GCN1: variants seen among roughly 807,000 people sequenced by gnomAD.
The protein encoded by GCN1 is stalled ribosome sensor GCN1.
Under a neutral mutation model 288.4 loss-of-function variants are expected in GCN1, and 90 were observed. The observed-to-expected ratio is 0.31, with a 90% confidence interval of 0.26 to 0.37. The LOEUF is 0.37. GCN1 is among the 10% of genes least tolerant of loss of function. The pLI, the probability that GCN1 is intolerant of heterozygous loss-of-function variation, is 1.00. For missense variants in GCN1, 2,586 were observed against 3,419.9 expected, an observed-to-expected ratio of 0.76 and a Z score of 6.08; for synonymous variants, 1,386 against 1,420.2, an observed-to-expected ratio of 0.98 and a Z score of 0.54.
intron 34 of GCN1, among the ~76,000 whole-genome samples, chr12:120,150,440 C>T (rs1370268297): frequency 6.6e-6 from 1 of 151,044 alleles, no homozygotes; most frequent in African/African-American, 2.4e-5. Context: ...ACTAAAAATA[C>T]AAAAATTAGC....
intron 36 of GCN1, among the ~76,000 whole-genome samples, chr12:120,149,097 TG>T (rs11407805): frequency 6.6e-6 from 1 of 150,914 alleles, no homozygotes; most frequent in Non-Finnish European, 1.5e-5. Flanking sequence ...AGAGCTTTCC[TG>T]GGGGGGGAAA....
chr12:120,159,681 G>A lies in GCN1; in HGVS notation c.2749+144C>T, dbSNP rs80206420. The A allele has an allele frequency of 1.1e-3, 733 of 688,398 alleles. 3 individuals carry two copies. The African/African-American group carries it at 0.012, about 11-fold the overall frequency. The allele number at this position is 688,398 out of a possible 1,614,324, so 42.6% of individuals were successfully genotyped here. Reference sequence around the variant, plus strand: ...TCTCTCCTAAGCATATCCAGCTTGAGTCTCCAAGGCTGCTTCCACAAGAAA... The same window carrying A: ...TCTCTCCTAAGCATATCCAGCTTGAATCTCCAAGGCTGCTTCCACAAGAAA... On this transcript the variant is annotated intron_variant, in intron 24 of 57. Transcript: ENST00000300648.
chr12:120,148,201 C>G lies in GCN1; in HGVS notation c.4692G>C (p.Gln1564His). ...CCGGGTTCCTGATAACGGAGCCGATCTGCCTGAGCGCCTGCTGTCCAGCCT... is the reference window on the plus strand; with the variant it reads ...CCGGGTTCCTGATAACGGAGCCGATGTGCCTGAGCGCCTGCTGTCCAGCCT... ...VQKAGQQALRQIGSVIRNPEI... is the reference protein window; with the variant it reads ...VQKAGQQALRHIGSVIRNPEI... Residue 1564 changes from glutamine to histidine, a missense_variant, in exon 37 of 58, where the codon CAG (glutamine) becomes CAC (histidine). By Grantham distance (24) the Gln-to-His change is conservative. This residue lies in a region of GCN1 where 371 missense variants were observed against 572.6 expected (regional missense o/e 0.65). Coordinates refer to ENST00000300648, the MANE Select transcript of GCN1 (RefSeq NM_006836.2). 1 of 1,613,894 alleles carries G rather than the reference C, an allele frequency of 6.2e-7. No individual in the cohort carries two copies. Among genetic ancestry groups the G allele is most frequent in the Non-Finnish European group, 8.5e-7 (1 of 1,179,906 alleles).
intron 5 of GCN1, among the ~76,000 whole-genome samples, chr12:120,179,970 G>A (rs1878598771): frequency 3.3e-5 from 5 of 152,110 alleles, no homozygotes; most frequent in South Asian, 4.1e-4. Flanking sequence ...AGCTCACACC[G>A]TCCAACCCAG....
At chr12:120,159,800 C>G (rs760263098) in intron 24 of GCN1, 25 bp downstream of exon 24, 8 of 1,609,482 alleles carry the variant, frequency 5.0e-6, no homozygotes, top group Non-Finnish European at 6.8e-6. Flanking sequence ...TGGGCCATCC[C>G]TGCAGCCAGC....
At position 120,152,637 on chromosome 12, in the gene GCN1, G is replaced by GCA. The variant is rs60288659; in HGVS notation, c.4062+574_4062+575dup. Among the ~76,000 whole-genome samples, 451 of 107,256 alleles carry GCA rather than the reference G, an allele frequency of 4.2e-3. 1 individual carries two copies. The highest frequency in any genetic ancestry group is 9.0e-3 in the East Asian group (30 of 3,340). 70.4% of individuals were successfully genotyped at this position (107,256 alleles called of 152,430 possible). A position where few individuals can be genotyped will look rare whatever the true frequency, so the allele number is the denominator to read the frequency against. On this transcript the variant is annotated intron_variant, in intron 33 of 57. Coordinates refer to ENST00000300648, the MANE Select transcript of GCN1 (RefSeq NM_006836.2). ...CAAAATGCAAACCACACACACACGCGCACACACACACACACACACACAAAA... is the reference window on the plus strand; with the variant it reads ...CAAAATGCAAACCACACACACACGCGCACACACACACACACACACACACAAAA...
At chr12:120,130,529 C>T (rs935540992) in intron 56 of GCN1, 117 bp downstream of exon 56, 8 of 708,992 alleles carry the variant, frequency 1.1e-5, no homozygotes, top group South Asian at 8.0e-5. Flanking sequence ...TCCTGGAGGC[C>T]GTCCACGGAG....
chr12:120,153,833 A>G lies in GCN1; in HGVS notation c.3778T>C (p.Phe1260Leu). 6.2e-7 allele frequency: 1 copy of G among 1,614,150 alleles called. No homozygotes were observed. The change falls in exon 32 of 58, where the codon TTT (phenylalanine) becomes CTT (leucine). Residue 1260 changes from phenylalanine to leucine, a missense_variant. By Grantham distance (22) the Phe-to-Leu change is conservative (BLOSUM62 0). This residue lies in a region of GCN1 where 332 missense variants were observed against 403.0 expected (regional missense o/e 0.82). Coordinates refer to ENST00000300648, the MANE Select transcript of GCN1 (RefSeq NM_006836.2). This position sits in a 1 kb window ranked among gnomAD's most constrained non-coding sequence, Gnocchi z 4.4. ...SSQVKPLFQF[F>L]VPDALNDRHP... Reference sequence around the variant, plus strand: ...CGGTCATTGAGGGCATCAGGGACAAAAAACTGAAAGAGTGGCTTCACCTGA... The same window carrying G: ...CGGTCATTGAGGGCATCAGGGACAAGAAACTGAAAGAGTGGCTTCACCTGA...
chr12:120,191,553 G>A (rs1283351613), intron 1 of GCN1, among the ~76,000 whole-genome samples: 1 of 152,200 alleles, frequency 6.6e-6, no homozygotes, highest in Non-Finnish European at 1.5e-5. Flanking sequence ...CTTATCAGTA[G>A]CGTAAGAGTC....
At chr12:120,165,935 G>A (rs1362146277) in intron 16 of GCN1, among the ~76,000 whole-genome samples, 3 of 151,792 alleles carry the variant, frequency 2.0e-5, no homozygotes, top group Non-Finnish European at 4.4e-5. Context: ...GGGATTACAG[G>A]CACCTGCTAC....
chr12:120,139,751 G>A (rs1877130509), intron 45 of GCN1, among the ~76,000 whole-genome samples: 1 of 152,090 alleles, frequency 6.6e-6, no homozygotes, highest in South Asian at 2.1e-4. Flanking sequence ...TCTAAGAACT[G>A]CAAACTCCTT....
chr12:120,137,895 C>G lies in GCN1; in HGVS notation c.6393+6G>C. ...ATGAGAAAGCAGGAGCAGGCTCGCC[C>G]CTTACCAGCTGCTCATCTGGGGTCC... On this transcript the variant is annotated splice_donor_region_variant and intron_variant, in intron 48 of 57. Transcript: ENST00000300648. The surrounding 1 kb of genome is among the most constrained non-coding windows in gnomAD (Gnocchi z 5.2). 1 of 1,614,116 alleles carries G rather than the reference C, an allele frequency of 6.2e-7. No individual in the cohort carries two copies.
intron 53 of GCN1, among the ~76,000 whole-genome samples, chr12:120,132,334 G>A (rs1876854501): frequency 6.6e-6 from 1 of 151,430 alleles, no homozygotes; most frequent in East Asian, 2.0e-4. Context: ...TTCTTCTTAG[G>A]AAGGCTGAAT....
chr12:120,190,449 A>G (rs1352526348), intron 1 of GCN1, 49 bp from the exon 2 acceptor site: 1 of 987,194 alleles, frequency 1.0e-6, no homozygotes, highest in African/African-American at 1.6e-5. Flanking sequence ...CTATAAAACT[A>G]TGAGTGTGTG....
At chr12:120,154,857 G>A in intron 31 of GCN1, 113 bp downstream of exon 31, 1 of 1,235,280 alleles carries the variant, frequency 8.1e-7, no homozygotes, top group Non-Finnish European at 1.2e-6. Flanking sequence ...CCCCGACTCT[G>A]AGGGAGGTCC....
At chr12:120,183,709 C>G (rs1337228346) in intron 4 of GCN1, 32 bp from the exon 5 acceptor site, 3 of 1,287,394 alleles carry the variant, frequency 2.3e-6, no homozygotes, top group Non-Finnish European at 3.4e-6. Flanking sequence ...GAGTTCAGAG[C>G]AGCAGCCTCC....
At chr12:120,139,541 T>C (rs1471198134) in intron 45 of GCN1, among the ~76,000 whole-genome samples, 1 of 151,794 alleles carries the variant, frequency 6.6e-6, no homozygotes, top group African/African-American at 2.4e-5. Context: ...AGCGAGAGGA[T>C]CACTTGAGCC....
rs766744435 is a variant in GCN1, at chr12:120,194,655, T to C, written c.18+25A>G. 2.4e-5 allele frequency: 37 copies of C among 1,514,002 alleles called. No individual in the cohort carries two copies. In the South Asian group the frequency reaches 3.4e-4, roughly 14 times the overall value. The allele number at this position is 1,514,002 out of a possible 1,614,324, so 93.8% of individuals were successfully genotyped here. A position where few individuals can be genotyped will look rare whatever the true frequency, so the allele number is the denominator to read the frequency against. On this transcript the variant is annotated intron_variant, in intron 1 of 57. Coordinates refer to ENST00000300648, the MANE Select transcript of GCN1 (RefSeq NM_006836.2). ...CGTCCGCACCCAGTCCCTGGCCGCG[T>C]TGGCCCCGCAGCCGCCCGCCTCACC...
chr12:120,180,685 C>A (rs1317536410), intron 5 of GCN1, among the ~76,000 whole-genome samples: 1 of 151,340 alleles, frequency 6.6e-6, no homozygotes, highest in Non-Finnish European at 1.5e-5. Flanking sequence ...AACTGCCACC[C>A]TCAGAAAACA....
Sources: allele counts gnomAD v4.1 joint callset (sites outside exome capture counted in the v4.1 genomes callset), GRCh38; gene constraint gnomAD v4.1.1; regional missense constraint gnomAD v4.1.1; non-coding constraint Gnocchi (gnomAD v3.1); transcripts MANE v1.5; gene names NCBI Gene and HGNC (gene_info 2026-07-23, HGNC 2026-07-21).